The following EYS variants were observed in gnomAD, a reference collection of about 807,000 sequenced individuals.
EYS encodes the protein protein eyes shut homolog.
EYS carries 250 observed loss-of-function variants against 282.1 expected under a neutral mutation model. The ratio of observed to expected loss-of-function variants is 0.89; its 90% CI spans 0.80 to 0.98. EYS has a LOEUF of 0.98. Ranked by LOEUF, EYS falls within the 50% of genes least tolerant of loss-of-function variation. The pLI, the probability that EYS is intolerant of heterozygous loss-of-function variation, is 0.00. For synonymous variants in EYS, 1,355 were observed against 1,282.9 expected, an observed-to-expected ratio of 1.06 and a Z score of -1.20; for missense variants, 4,016 against 3,709.0, an observed-to-expected ratio of 1.08 and a Z score of -2.15.
intron 8 of EYS, among the ~76,000 whole-genome samples, chr6:65,375,280 T>G (rs947149555): frequency 6.6e-6 from 1 of 152,108 alleles, no homozygotes; most frequent in African/African-American, 2.4e-5. Flanking sequence ...GCAGCAGACC[T>G]GCAGAAGAGG....
chr6:65,340,124 C>G (rs1234885662), intron 10 of EYS, among the ~76,000 whole-genome samples: 3 of 151,052 alleles, frequency 2.0e-5, no homozygotes, highest in Non-Finnish European at 4.5e-5. Flanking sequence ...GTCATAAATT[C>G]TGAAATAAAA....
At chr6:64,106,054 T>G (rs760122762) in intron 31 of EYS, among the ~76,000 whole-genome samples, 11 of 152,166 alleles carry the variant, frequency 7.2e-5, no homozygotes, top group Non-Finnish European at 1.6e-4. Context: ...TTAAAGTAAT[T>G]ATTTATATAA....
At chr6:63,768,396 C>T (rs999652561) in intron 40 of EYS, among the ~76,000 whole-genome samples, 1 of 151,768 alleles carries the variant, frequency 6.6e-6, no homozygotes, top group Non-Finnish European at 1.5e-5. Context: ...CAGACAACCC[C>T]ATTAAAAAAA....
intron 36 of EYS, among the ~76,000 whole-genome samples, chr6:63,860,508 C>T (rs1772506891): frequency 6.6e-6 from 1 of 152,226 alleles, no homozygotes; most frequent in East Asian, 1.9e-4. Context: ...TCTTTTGCCC[C>T]TTGGGCAGCC....
chr6:65,230,969 T>C (rs1049609101), intron 12 of EYS, among the ~76,000 whole-genome samples: 27 of 150,184 alleles, frequency 1.8e-4, no homozygotes, highest in Admixed American at 1.5e-3. Context: ...AATAACTGGG[T>C]GATACAATAA....
At chr6:64,207,170 A>T (rs1765634336) in intron 31 of EYS, among the ~76,000 whole-genome samples, 1 of 152,072 alleles carries the variant, frequency 6.6e-6, no homozygotes, top group Non-Finnish European at 1.5e-5. Context: ...GTTAGCCCTC[A>T]TGAGTAGATT....
intron 35 of EYS, among the ~76,000 whole-genome samples, chr6:63,972,063 T>C (rs1200597047): frequency 6.6e-6 from 1 of 152,220 alleles, no homozygotes; most frequent in Non-Finnish European, 1.5e-5. Context: ...TTCACTCTAT[T>C]TCTGAGAAAG....
intron 12 of EYS, among the ~76,000 whole-genome samples, chr6:65,246,668 C>T (rs974763821): frequency 2.0e-5 from 3 of 152,010 alleles, no homozygotes; most frequent in Non-Finnish European, 2.9e-5. Flanking sequence ...ATCTGAAACA[C>T]GGTATGTTTT....
intron 12 of EYS, among the ~76,000 whole-genome samples, chr6:65,097,151 A>T (rs1476431707): frequency 2.0e-5 from 3 of 151,150 alleles, no homozygotes; most frequent in South Asian, 4.2e-4. Context: ...TCAAAAACAA[A>T]ATCCCAAATA....
intron 5 of EYS, among the ~76,000 whole-genome samples, chr6:65,462,917 G>A (rs1218399682): frequency 6.6e-6 from 1 of 151,912 alleles, no homozygotes; most frequent in Non-Finnish European, 1.5e-5. Context: ...CAATAATCAA[G>A]CTTGTTCTCT....
intron 1 of EYS, among the ~76,000 whole-genome samples, chr6:65,682,223 A>C (rs922109970): frequency 6.6e-6 from 1 of 151,900 alleles, no homozygotes; most frequent in Admixed American, 6.6e-5. Flanking sequence ...AGCTGCAGTA[A>C]TAGTTTGTTT....
At position 64,605,258 on chromosome 6, in the gene EYS, C is replaced by T. The variant is rs75505492; in HGVS notation, c.3685-11949G>A. Among the ~76,000 whole-genome samples, 833 of 151,876 alleles carry T rather than the reference C, an allele frequency of 5.5e-3. 3 individuals are homozygous for T. The highest frequency in any genetic ancestry group is 8.4e-3 in the Non-Finnish European group (573 of 67,858). On this transcript the variant is annotated intron_variant, in intron 24 of 42. Coordinates refer to ENST00000503581, the MANE Select transcript of EYS (RefSeq NM_001142800.2). ...ATCCATGATCCTAATATAAGAAGTG[C>T]CAATGGCCTTCTTATACACTAACTA... is the stretch of plus-strand genomic sequence containing the variant.
chr6:64,908,717 C>T (rs1767904624), intron 16 of EYS, among the ~76,000 whole-genome samples: 1 of 152,066 alleles, frequency 6.6e-6, no homozygotes, highest in Admixed American at 6.6e-5. Flanking sequence ...ATCTCATCTT[C>T]TACTGACTGA....
intron 12 of EYS, among the ~76,000 whole-genome samples, chr6:65,223,682 A>G (rs1444806590): frequency 6.6e-6 from 1 of 151,542 alleles, no homozygotes. Context: ...CACATTTGGC[A>G]AAAGCATTTA....
At chr6:64,696,430 G>A (rs1051900476) in intron 22 of EYS, among the ~76,000 whole-genome samples, 2 of 152,084 alleles carry the variant, frequency 1.3e-5, no homozygotes, top group Admixed American at 1.3e-4. Context: ...TGAAACATCT[G>A]GAAAATCTAT....
intron 15 of EYS, among the ~76,000 whole-genome samples, chr6:64,940,413 T>C (rs1769050845): frequency 6.6e-6 from 1 of 151,972 alleles, no homozygotes; most frequent in Non-Finnish European, 1.5e-5. Flanking sequence ...AGAGTCTCAA[T>C]GAAAGAAATA....
intron 2 of EYS, among the ~76,000 whole-genome samples, chr6:65,583,263 TTAAAC>T (rs1764931305): frequency 6.6e-6 from 1 of 152,044 alleles, no homozygotes; most frequent in African/African-American, 2.4e-5. Flanking sequence ...TTGTTTTCTC[TTAAAC>T]TAATTTGCCG....
intron 12 of EYS, among the ~76,000 whole-genome samples, chr6:65,230,506 G>A (rs999900413): frequency 4.6e-5 from 7 of 151,606 alleles, no homozygotes; most frequent in African/African-American, 1.7e-4. Flanking sequence ...ACTTTAATAT[G>A]AGTTGCTAAT....
chr6:64,647,135 T>C (rs1009133379), intron 22 of EYS, among the ~76,000 whole-genome samples: 1 of 152,198 alleles, frequency 6.6e-6, no homozygotes, highest in Non-Finnish European at 1.5e-5. Context: ...AGTAACTGTA[T>C]GTCCGAAAAC....
Sources: gnomAD v4.1 joint callset for allele counts (sites outside exome capture counted in the v4.1 genomes callset) on GRCh38, gnomAD v4.1.1 for gene constraint, MANE v1.5 for transcripts, NCBI Gene and HGNC (gene_info 2026-07-23, HGNC 2026-07-21) for gene names.